The following ANKRD26 variants were observed in gnomAD, a reference collection of about 807,000 sequenced individuals.
ANKRD26 encodes ankyrin repeat domain-containing protein 26.
In ANKRD26, 141 loss-of-function variants were observed where a neutral mutation model predicts 208.7. That is an observed-to-expected ratio of 0.68 (90% CI 0.59 to 0.78). The LOEUF is 0.78. Among genes scored for constraint, ANKRD26 ranks in the 30% least tolerant of loss-of-function variants. The pLI, the probability that ANKRD26 is intolerant of heterozygous loss-of-function variation, is 0.00. For missense variants in ANKRD26, 1,889 were observed against 1,938.7 expected (o/e 0.97, Z 0.48); for synonymous variants, 636 against 660.4 (o/e 0.96, Z 0.57).
At chr10:27,030,451 A>G in intron 25 of ANKRD26, 1 of 985,444 alleles carries the variant, frequency 1.0e-6, no homozygotes, top group Non-Finnish European at 1.2e-6. Flanking sequence ...AAGGTTCCCA[A>G]ATCAAGTCAT....
intron 5 of ANKRD26, among the ~76,000 whole-genome samples, chr10:26,976,139 T>A (rs935276092): frequency 1.3e-5 from 2 of 152,192 alleles, no homozygotes; most frequent in African/African-American, 4.8e-5. Flanking sequence ...ACTCAACTTA[T>A]ACATCACATT....
At chr10:27,001,827 G>GC (rs1478397009), downstream of ANKRD26, among the ~76,000 whole-genome samples, 25 of 152,146 alleles carry the variant, frequency 1.6e-4, no homozygotes, top group African/African-American at 5.6e-4. Flanking sequence ...GATTTTTCAG[G>GC]CTGCTCCTTG....
At chr10:27,028,171 G>A (rs569841293) in intron 27 of ANKRD26, among the ~76,000 whole-genome samples, 1 of 152,272 alleles carries the variant, frequency 6.6e-6, no homozygotes, top group Admixed American at 6.5e-5. Context: ...AATCCAAAAT[G>A]TTCCAAAATC....
chr10:27,011,481 T>C (rs970092568), intron 32 of ANKRD26, among the ~76,000 whole-genome samples: 6 of 151,660 alleles, frequency 4.0e-5, no homozygotes, highest in Non-Finnish European at 5.9e-5. Flanking sequence ...TAGACAAGTA[T>C]CTTAAACTGG....
intron 4 of ANKRD26, among the ~76,000 whole-genome samples, chr10:26,980,876 AT>A (rs1292058444): frequency 6.6e-6 from 1 of 152,104 alleles, no homozygotes; most frequent in Non-Finnish European, 1.5e-5. Context: ...GATGTAAGCA[AT>A]TCTGAAGATT....
At chr10:26,992,153 T>C (rs1255694778) in intron 5 of ANKRD26, 2 of 152,188 alleles carry the variant, frequency 1.3e-5, no homozygotes, top group Non-Finnish European at 2.9e-5. Context: ...AGCCATCTTA[T>C]TTAGGAAGCA....
At chr10:26,947,723 C>T in the ANKRD26 span, among the ~76,000 whole-genome samples, 5 of 152,112 alleles carry the variant, frequency 3.3e-5, no homozygotes, top group South Asian at 1.0e-3. Flanking sequence ...AATCATTGAC[C>T]TTCTTTTTTT....
At chr10:27,045,245 G>A (rs1216465663) in intron 18 of ANKRD26, among the ~76,000 whole-genome samples, 7 of 152,046 alleles carry the variant, frequency 4.6e-5, no homozygotes, top group East Asian at 1.9e-4. Context: ...CCAACATGGC[G>A]CAACCCTGTC....
chr10:27,011,336 A>C (rs576942397), intron 32 of ANKRD26, among the ~76,000 whole-genome samples: 1 of 152,224 alleles, frequency 6.6e-6, no homozygotes, highest in East Asian at 1.9e-4. Flanking sequence ...GTTGCAGTAA[A>C]AACACATTAC....
chr10:27,078,101 A>G (rs1023081070), intron 7 of ANKRD26, among the ~76,000 whole-genome samples: 3 of 152,184 alleles, frequency 2.0e-5, no homozygotes, highest in African/African-American at 4.8e-5. Flanking sequence ...TGCATGAATT[A>G]CCTCTTGTGA....
At position 27,047,701 on chromosome 10, in the gene ANKRD26, A is replaced by ATAATACTACTAC. The variant is rs1392162204; in HGVS notation, c.1814+1099_1814+1100insGTAGTAGTATTA. On this transcript the variant is annotated intron_variant, in intron 17 of 33. Coordinates refer to ENST00000376087, the MANE Select transcript of ANKRD26 (RefSeq NM_014915.3). ...ATTTACCACCAGAAAAACTGTAATAATACTACTACTACTACTACTACTAAT... is the reference window on the plus strand; with the variant it reads ...ATTTACCACCAGAAAAACTGTAATAATAATACTACTACTACTACTACTACTACTACTACTAAT... 1.2e-3 allele frequency among the ~76,000 whole-genome samples: 173 copies of ATAATACTACTAC among 138,878 alleles called. 2 individuals carry two copies. The highest frequency in any genetic ancestry group is 4.4e-3 in the African/African-American group (166 of 37,480). 91.1% of individuals were successfully genotyped at this position (138,878 alleles called of 152,430 possible).
chr10:26,995,939 C>T (rs953891678), intron 4 of ANKRD26, among the ~76,000 whole-genome samples: 4 of 152,030 alleles, frequency 2.6e-5, no homozygotes, highest in African/African-American at 9.7e-5. Flanking sequence ...TTCTGTGCAC[C>T]CTTTAGGCAT....
Position 27,092,452 on chromosome 10 carries a change from A to G in ANKRD26, c.592T>C (p.Leu198=), listed in dbSNP as rs1315442645. The change falls in exon 4 of 34, where the codon TTA becomes CTA. Residue 198 remains leucine (L), a synonymous_variant. Transcript: ENST00000376087. ...TTTACATTTGCTTTTTTCTTTATTA[A>G]AAATTCCACCATTTGCTGCTTTTTT... The part of the protein sequence containing the change: ...SGKKQQMVEF[L]IKKKANVNAV... 2 of 1,613,736 alleles carry G rather than the reference A, an allele frequency of 1.2e-6. No homozygotes were observed. Among genetic ancestry groups the G allele is most frequent in the South Asian group, 1.1e-5 (1 of 91,062 alleles).
At chr10:26,948,885 C>A in the ANKRD26 span, among the ~76,000 whole-genome samples, 19 of 152,232 alleles carry the variant, frequency 1.2e-4, no homozygotes, top group African/African-American at 4.6e-4. Flanking sequence ...ATCCCAGCTA[C>A]TTGGGAGGCT....
intron 22 of ANKRD26, among the ~76,000 whole-genome samples, 200 bp from the exon 23 acceptor site, chr10:27,037,523 T>A (rs571605794): frequency 6.6e-6 from 1 of 152,212 alleles, no homozygotes; most frequent in African/African-American, 2.4e-5. Flanking sequence ...TGGTTCTTAA[T>A]AAATACAGGC....
the ANKRD26 span, among the ~76,000 whole-genome samples, chr10:26,955,155 G>A: frequency 1.3e-5 from 2 of 151,932 alleles, no homozygotes; most frequent in African/African-American, 2.4e-5. Flanking sequence ...GGGGTTGGGC[G>A]CAGTAGCTCA....
In ANKRD26 at chr10:27,100,104, C is replaced by G; in HGVS notation, c.223G>C (p.Asp75His). Residue 75 changes from aspartate to histidine, a missense_variant, in exon 1 of 34, where the codon GAT (aspartate) becomes CAT (histidine). This residue lies in a region of ANKRD26 where 1,272 missense variants were observed against 1,273.8 expected (regional missense o/e 1.00). Transcript: ENST00000376087. ...ILLLRKNGLN[D>H]RDKMNRTALH... ...TATTACCTGTTCATCTTGTCTCTAT[C>G]GTTCAAGCCATTCTTCCTGAGCAAA... The G allele has an allele frequency of 6.2e-7, 1 of 1,614,076 alleles. No individual in the cohort carries two copies. The highest frequency in any genetic ancestry group is 8.5e-7 in the Non-Finnish European group (1 of 1,179,976).
At chr10:27,087,019 G>A (rs556862442) in intron 4 of ANKRD26, among the ~76,000 whole-genome samples, 45 of 152,174 alleles carry the variant, frequency 3.0e-4, no homozygotes, top group African/African-American at 1.1e-3. Context: ...TGATTTGCCT[G>A]CCTTGGCCTC....
intron 5 of ANKRD26, among the ~76,000 whole-genome samples, chr10:26,992,629 A>AATAAT (rs2052510750): frequency 7.2e-5 from 11 of 152,144 alleles, no homozygotes; most frequent in Admixed American, 6.6e-4. Context: ...CTATTACTCT[A>AATAAT]GCCTTTTTGG....
Sources: allele counts gnomAD v4.1 joint callset (sites outside exome capture counted in the v4.1 genomes callset), GRCh38; gene constraint gnomAD v4.1.1; regional missense constraint gnomAD v4.1.1; transcripts MANE v1.5; gene names NCBI Gene and HGNC (gene_info 2026-07-23, HGNC 2026-07-21).